The following ADARB2 variants were observed in gnomAD, a reference collection of about 807,000 sequenced individuals.
ADARB2 encodes the protein adenosine deaminase RNA specific B2 (inactive).
A neutral mutation model predicts 62.2 loss-of-function variants in ADARB2; 25 were observed. That is an observed-to-expected ratio of 0.40 (90% CI 0.29 to 0.56). ADARB2 has a LOEUF of 0.56. Ranked by LOEUF, ADARB2 falls within the 20% of genes least tolerant of loss-of-function variation. The pLI, the probability that ADARB2 is intolerant of heterozygous loss-of-function variation, is 0.43. For synonymous variants in ADARB2, 572 were observed against 500.8 expected (o/e 1.14, Z -1.90); for missense variants, 1,071 against 1,077.4 (o/e 0.99, Z 0.08).
intron 3 of ADARB2, among the ~76,000 whole-genome samples, chr10:1,340,797 A>C (rs1832017840): frequency 6.9e-6 from 1 of 145,144 alleles, no homozygotes. Context: ...CCAGAGAACC[A>C]CGCGCCCCAC....
intron 1 of ADARB2, among the ~76,000 whole-genome samples, chr10:1,603,092 C>A (rs1014260394): frequency 7.4e-6 from 1 of 135,460 alleles, no homozygotes; most frequent in African/African-American, 2.6e-5. Context: ...TACACACATA[C>A]ACACATCAAC....
chr10:1,334,901 T>C lies in ADARB2; in HGVS notation c.1077+28127A>G, dbSNP rs551621309. Among the ~76,000 whole-genome samples the C allele has an allele frequency of 7.2e-5, 11 of 152,302 alleles. 1 individual carries two copies. In the South Asian group the frequency reaches 2.3e-3, roughly 32 times the overall value. Reference sequence around the variant, plus strand: ...TCCAGAATGGCACCAGAAGATTAACTGTCATTATTTGTCCTCACTTCAAAC... The same window carrying C: ...TCCAGAATGGCACCAGAAGATTAACCGTCATTATTTGTCCTCACTTCAAAC... On this transcript the variant is annotated intron_variant, in intron 3 of 9. Coordinates refer to ENST00000381312, the MANE Select transcript of ADARB2 (RefSeq NM_018702.4).
At chr10:1,265,730 C>T (rs71491358) in intron 4 of ADARB2, among the ~76,000 whole-genome samples, 18 of 100,380 alleles carry the variant, frequency 1.8e-4, no homozygotes, top group South Asian at 5.3e-4. Context: ...CACGCTCCCC[C>T]GGAAGACGGC....
At chr10:1,478,113 A>G (rs575055198) in intron 1 of ADARB2, among the ~76,000 whole-genome samples, 47 of 152,336 alleles carry the variant, frequency 3.1e-4, no homozygotes, top group African/African-American at 1.1e-3. Context: ...TGCTGCCCTA[A>G]CAGGCAGAGA....
At chr10:1,395,105 G>C (rs1832600346) in intron 1 of ADARB2, among the ~76,000 whole-genome samples, 1 of 152,024 alleles carries the variant, frequency 6.6e-6, no homozygotes, top group Admixed American at 6.6e-5. Context: ...CACTAGAGCT[G>C]AGGGCTTGCT....
chr10:1,366,217 C>T (rs1832312579), intron 2 of ADARB2, among the ~76,000 whole-genome samples: 1 of 152,176 alleles, frequency 6.6e-6, no homozygotes, highest in Non-Finnish European at 1.5e-5. Context: ...GCAGAAAATG[C>T]TCTGAAGTCC....
chr10:1,612,325 G>T (rs1342712056), intron 1 of ADARB2, among the ~76,000 whole-genome samples: 1 of 152,232 alleles, frequency 6.6e-6, no homozygotes, highest in Non-Finnish European at 1.5e-5. Flanking sequence ...AGAGCAGAGC[G>T]GCCATGGCCG....
intron 1 of ADARB2, among the ~76,000 whole-genome samples, chr10:1,515,714 AG>A (rs1183842308): frequency 3.3e-5 from 5 of 152,238 alleles, no homozygotes; most frequent in African/African-American, 1.2e-4. Flanking sequence ...TAGGTGGCCA[AG>A]GAAAAAGTAA....
At chr10:1,650,076 G>T (rs1317557849) in intron 1 of ADARB2, among the ~76,000 whole-genome samples, 1 of 152,218 alleles carries the variant, frequency 6.6e-6, no homozygotes, top group Non-Finnish European at 1.5e-5. Context: ...GACTGTATTT[G>T]CTCTTGCTGT....
chr10:1,672,661 C>T (rs55827747), intron 1 of ADARB2, among the ~76,000 whole-genome samples: 17,168 of 147,480 alleles, frequency 0.12, 1,724 homozygotes, highest in African/African-American at 0.27. Context: ...CCGCAAGGCT[C>T]CTGCCTCCCT....
intron 1 of ADARB2, among the ~76,000 whole-genome samples, chr10:1,697,713 C>T (rs1419030632): frequency 1.3e-5 from 2 of 152,160 alleles, no homozygotes; most frequent in Admixed American, 6.5e-5. Context: ...CAGTGTGAGT[C>T]CCCGGCGGGC....
intron 1 of ADARB2, among the ~76,000 whole-genome samples, chr10:1,441,976 A>C (rs1294013028): frequency 6.6e-6 from 1 of 152,218 alleles, no homozygotes. Flanking sequence ...AACAATGAAG[A>C]AACAAAACAA....
intron 3 of ADARB2, among the ~76,000 whole-genome samples, chr10:1,303,342 G>T (rs1432816512): frequency 6.6e-6 from 1 of 151,912 alleles, no homozygotes; most frequent in South Asian, 2.1e-4. Flanking sequence ...AGAATAAAAA[G>T]AAATGAGCAA....
intron 1 of ADARB2, among the ~76,000 whole-genome samples, chr10:1,486,025 G>A (rs1831539301): frequency 6.6e-6 from 1 of 152,214 alleles, no homozygotes; most frequent in South Asian, 2.1e-4. Context: ...CTGAGGTGCT[G>A]TATTTCTGGC....
At chr10:1,232,681 G>A (rs573867700) in intron 6 of ADARB2, among the ~76,000 whole-genome samples, 4 of 151,444 alleles carry the variant, frequency 2.6e-5, no homozygotes, top group South Asian at 4.2e-4. Flanking sequence ...TGCTTGTGAC[G>A]TGTGTGGTAT....
At chr10:1,455,627 ACT>A (rs1210090615) in intron 1 of ADARB2, among the ~76,000 whole-genome samples, 6 of 152,046 alleles carry the variant, frequency 3.9e-5, no homozygotes, top group Non-Finnish European at 4.4e-5. Context: ...CATTAGAAAA[ACT>A]CTTTTTGGGA....
At chr10:1,269,896 G>A (rs187844301) in intron 4 of ADARB2, among the ~76,000 whole-genome samples, 7 of 152,320 alleles carry the variant, frequency 4.6e-5, no homozygotes, top group African/African-American at 1.7e-4. Context: ...AGAGGCAGGT[G>A]TCATCTGTGT....
intron 1 of ADARB2, among the ~76,000 whole-genome samples, chr10:1,478,453 G>C (rs1238885760): frequency 6.6e-6 from 1 of 152,192 alleles, no homozygotes; most frequent in Non-Finnish European, 1.5e-5. Context: ...TCTTAAATTT[G>C]TTGGGGAAAA....
chr10:1,727,826 G>C (rs774957537), intron 1 of ADARB2, among the ~76,000 whole-genome samples: 37 of 152,242 alleles, frequency 2.4e-4, no homozygotes, highest in Middle Eastern at 3.4e-3. Context: ...TCATGTCATT[G>C]TGATGCCTCA....
Sources: allele counts gnomAD v4.1 joint callset (sites outside exome capture counted in the v4.1 genomes callset), GRCh38; gene constraint gnomAD v4.1.1; transcripts MANE v1.5; gene names NCBI Gene and HGNC (gene_info 2026-07-23, HGNC 2026-07-21).